Variants in CDHR3 observed in about 807,000 individuals in gnomAD.
CDHR3 encodes the protein cadherin-related family member 3.
A neutral mutation model predicts 86.6 loss-of-function variants in CDHR3; 79 were observed. The ratio of observed to expected loss-of-function variants is 0.91; its 90% confidence interval spans 0.76 to 1.10. The LOEUF (loss-of-function observed/expected upper bound fraction) is 1.10, where lower values mean the gene tolerates loss of function less well. CDHR3 is among the 50% of genes least tolerant of loss of function. CDHR3 has a pLI of 0.00. For missense variants in CDHR3, 1,081 were observed against 1,077.6 expected (o/e 1.00, Z -0.04); for synonymous variants, 421 against 402.4 (o/e 1.05, Z -0.55).
At chr7:105,967,375 T>A (rs1008698105) in intron 1 of CDHR3, among the ~76,000 whole-genome samples, 1 of 152,250 alleles carries the variant, frequency 6.6e-6, no homozygotes, top group Non-Finnish European at 1.5e-5. Flanking sequence ...TTTGGGTTGG[T>A]TCCAAGTCTT....
At chr7:105,975,068 T>G (rs1187863884) in intron 2 of CDHR3, 22 bp downstream of exon 2, 1 of 1,575,064 alleles carries the variant, frequency 6.3e-7, no homozygotes, top group Non-Finnish European at 8.7e-7. Flanking sequence ...CTTACCAACA[T>G]GAGTGTTGCC....
chr7:105,996,012 G>A (rs2072162), intron 5 of CDHR3, among the ~76,000 whole-genome samples: 48,647 of 151,958 alleles, frequency 0.32, 8,661 homozygotes, highest in Non-Finnish European at 0.39. Flanking sequence ...GCAGATGCTG[G>A]CCTGGTGGGA....
chr7:105,965,570 C>CCCG (rs1826780525), intron 1 of CDHR3, among the ~76,000 whole-genome samples: 1 of 110,826 alleles, frequency 9.0e-6, no homozygotes. Context: ...AAGCCCCACC[C>CCCG]CCCCCCATGG....
At chr7:105,972,248 G>C (rs1032276215) in intron 1 of CDHR3, among the ~76,000 whole-genome samples, 4 of 152,178 alleles carry the variant, frequency 2.6e-5, no homozygotes, top group Non-Finnish European at 5.9e-5. Context: ...GGCAGTCAAG[G>C]AGCTAGCATG....
Position 106,032,966 on chromosome 7 carries a change from G to A in CDHR3, c.*269G>A. The A allele has an allele frequency of 2.3e-6, 1 of 443,778 alleles. No individual in the cohort carries two copies. The allele number at this position is 443,778 out of a possible 1,614,324, so 27.5% of individuals were successfully genotyped here. On this transcript the variant is annotated 3_prime_UTR_variant, in exon 19 of 19. Coordinates refer to ENST00000317716, the MANE Select transcript of CDHR3 (RefSeq NM_152750.5). The stretch of plus-strand genomic sequence containing the variant: ...TAAGCAAGACTGTTAACTTTGGGGT[G>A]TGGAATTGTTGTGTTTCTTCTTTGC...
rs145069527 is a variant in CDHR3 at position 105,984,634 on chromosome 7, G to A, written c.513+345G>A. Reference sequence around the variant, plus strand: ...TGTAAAACCACTTAGTGCAGTGCCGGGTGTATCAAAACTGCTCAATATTTT... The same window carrying A: ...TGTAAAACCACTTAGTGCAGTGCCGAGTGTATCAAAACTGCTCAATATTTT... On this transcript the variant is annotated intron_variant, in intron 4 of 18. Coordinates refer to ENST00000317716, the MANE Select transcript of CDHR3 (RefSeq NM_152750.5). Among the ~76,000 whole-genome samples, 262 of 152,082 alleles carry A rather than the reference G, an allele frequency of 1.7e-3. 1 individual carries two copies. The highest frequency in any genetic ancestry group is 6.0e-3 in the African/African-American group (250 of 41,438).
At chr7:106,018,519 A>G (rs904155503) in intron 12 of CDHR3, among the ~76,000 whole-genome samples, 6 of 152,176 alleles carry the variant, frequency 3.9e-5, no homozygotes, top group Non-Finnish European at 8.8e-5. Context: ...TATAGGCGTG[A>G]GCCACTGCAC....
intron 8 of CDHR3, among the ~76,000 whole-genome samples, chr7:106,010,287 T>C (rs1834601012): frequency 6.6e-6 from 1 of 152,158 alleles, no homozygotes; most frequent in Admixed American, 6.5e-5. Flanking sequence ...GCCTTGAAAA[T>C]GCTCGGAACC....
intron 5 of CDHR3, 91 bp downstream of exon 5, chr7:105,994,936 C>T (rs1831952775): frequency 4.0e-6 from 4 of 1,008,812 alleles, no homozygotes; most frequent in African/African-American, 1.6e-5. Flanking sequence ...CTGAGGGCAG[C>T]TGGGGGGAGC....
At chr7:105,971,935 T>C (rs1828041685) in intron 1 of CDHR3, among the ~76,000 whole-genome samples, 1 of 152,238 alleles carries the variant, frequency 6.6e-6, no homozygotes, top group Non-Finnish European at 1.5e-5. Flanking sequence ...CACAGCCATG[T>C]TGTTGCAGTG....
At chr7:106,010,375 A>T (rs1276385605) in intron 8 of CDHR3, among the ~76,000 whole-genome samples, 2 of 152,204 alleles carry the variant, frequency 1.3e-5, no homozygotes, top group Non-Finnish European at 2.9e-5. Context: ...GTGTTTTTAA[A>T]GTGCTTGGTA....
At chr7:106,016,902 T>A (rs1404859225) in intron 11 of CDHR3, among the ~76,000 whole-genome samples, 1 of 152,186 alleles carries the variant, frequency 6.6e-6, no homozygotes, top group African/African-American at 2.4e-5. Context: ...ATCACCTACT[T>A]TGGGTTACAA....
chr7:106,023,180 C>A (rs1386547086), intron 14 of CDHR3, among the ~76,000 whole-genome samples: 1 of 152,198 alleles, frequency 6.6e-6, no homozygotes, highest in Non-Finnish European at 1.5e-5. Flanking sequence ...TCACCATGAC[C>A]TCCAGGGAAG....
intron 1 of CDHR3, among the ~76,000 whole-genome samples, chr7:105,969,734 A>C (rs915793463): frequency 2.0e-5 from 3 of 152,140 alleles, no homozygotes; most frequent in African/African-American, 2.4e-5. Flanking sequence ...GCCTCTGTGG[A>C]TCTCCTGCTG....
intron 2 of CDHR3, among the ~76,000 whole-genome samples, chr7:105,978,291 G>C (rs962317122): frequency 1.3e-5 from 2 of 152,206 alleles, no homozygotes; most frequent in Non-Finnish European, 2.9e-5. Flanking sequence ...CCAGGGAAGA[G>C]TGACTGCCAG....
chr7:106,020,630 T>C (rs1035027074), intron 13 of CDHR3, 86 bp downstream of exon 13: 9 of 1,452,624 alleles, frequency 6.2e-6, no homozygotes, highest in Non-Finnish European at 7.5e-6. Flanking sequence ...CACACACTGA[T>C]CTGGGCAAAG....
At chr7:106,016,594 T>C (rs1835662002) in intron 11 of CDHR3, among the ~76,000 whole-genome samples, 3 of 152,134 alleles carry the variant, frequency 2.0e-5, no homozygotes, top group Admixed American at 1.3e-4. Flanking sequence ...AGTTTGAAGG[T>C]AATACTATAA....
intron 4 of CDHR3, among the ~76,000 whole-genome samples, 156 bp downstream of exon 4, chr7:105,984,445 A>G (rs2074653): frequency 6.6e-6 from 1 of 151,912 alleles, no homozygotes; most frequent in Non-Finnish European, 1.5e-5. Flanking sequence ...GGTTGGAATG[A>G]ATAAAGGGGC....
intron 9 of CDHR3, among the ~76,000 whole-genome samples, chr7:106,014,895 G>C (rs1048704348): frequency 2.6e-5 from 4 of 152,206 alleles, no homozygotes; most frequent in Admixed American, 2.0e-4. Context: ...TTTGTACATA[G>C]ATTCTGTCTC....
Sources: gnomAD v4.1 joint callset for allele counts (sites outside exome capture counted in the v4.1 genomes callset) on GRCh38, gnomAD v4.1.1 for gene constraint, MANE v1.5 for transcripts, NCBI Gene and HGNC (gene_info 2026-07-23, HGNC 2026-07-21) for gene names.